The following GPR22 variants were observed in gnomAD, a reference collection of about 807,000 sequenced individuals.
GPR22 encodes the protein G-protein coupled receptor 22.
In GPR22, 13 loss-of-function variants were observed where a neutral mutation model predicts 31.0. The observed-to-expected ratio is 0.42, with a 90% confidence interval of 0.27 to 0.67. The LOEUF (loss-of-function observed/expected upper bound fraction) is 0.67, where lower values mean the gene tolerates loss of function less well. Among genes scored for constraint, GPR22 ranks in the 30% least tolerant of loss-of-function variants. The pLI is 0.25. For synonymous variants in GPR22, 191 were observed against 173.4 expected (o/e 1.10, Z -0.80); for missense variants, 368 against 509.6 (o/e 0.72, Z 2.67).
chr7:107,473,945 C>T (rs899106631), intron 2 of GPR22, 90 bp from the exon 3 acceptor site: 17 of 423,194 alleles, frequency 4.0e-5, no homozygotes, highest in Admixed American at 2.8e-4. Context: ...ACTAAGTACA[C>T]AATTGAAAGA....
rs752419324 is a variant in GPR22 at position 107,475,270 on chromosome 7, T to A, written c.1210T>A (p.Ser404Thr). Residue 404 changes from serine (S) to threonine (T), a missense_variant, in exon 3 of 3, where the codon TCT becomes ACT. Physicochemically the swap from Ser to Thr is moderately conservative, Grantham distance 58 (BLOSUM62 1). Transcript: ENST00000304402. ...GCCTAATAATGCTGTAATACACAAC[T>A]CTTGGATAGATCCTAAAAGAAACAA... ...PLPNNAVIHN[S>T]WIDPKRNKKI... 6.2e-7 allele frequency: 1 copy of A among 1,600,532 alleles called. No homozygotes were observed. Among genetic ancestry groups the A allele is most frequent in the South Asian group, 1.1e-5 (1 of 89,424 alleles).
In GPR22 at chr7:107,470,256, C is replaced by A. The variant is rs975257707; in HGVS notation, c.-1147C>A. 3 of 152,238 alleles carry A rather than the reference C, an allele frequency of 2.0e-5. No individual in the cohort carries two copies. Among genetic ancestry groups the A allele is most frequent in the African/African-American group, 7.2e-5 (3 of 41,468 alleles). 9.4% of individuals were successfully genotyped at this position (152,238 alleles called of 1,614,324 possible). A position where few individuals can be genotyped will look rare whatever the true frequency, so the allele number is the denominator to read the frequency against. ...CTGCAGCAGCCTCTAAGCAGCACTA[C>A]ATGTTCCATACATTAGCAGTACTGC... is the stretch of plus-strand genomic sequence containing the variant. On this transcript the variant is annotated 5_prime_UTR_variant, in exon 1 of 3. Coordinates refer to ENST00000304402, the MANE Select transcript of GPR22 (RefSeq NM_005295.3).
chr7:107,471,144 T>C (rs561927770), intron 1 of GPR22, among the ~76,000 whole-genome samples: 1 of 152,168 alleles, frequency 6.6e-6, no homozygotes, highest in South Asian at 2.1e-4. Flanking sequence ...CAATTGTATT[T>C]GAAATGTGAA....
rs1052407621 is a variant in GPR22, at chr7:107,471,679, T to C, written c.-650T>C. 6.6e-6 allele frequency: 1 copy of C among 152,068 alleles called. No homozygotes were observed. The highest frequency in any genetic ancestry group is 1.5e-5 in the Non-Finnish European group (1 of 67,950). The allele number at this position is 152,068 out of a possible 1,614,324, so 9.4% of individuals were successfully genotyped here. A position where few individuals can be genotyped will look rare whatever the true frequency, so the allele number is the denominator to read the frequency against. On this transcript the variant is annotated 5_prime_UTR_variant, in exon 2 of 3. Coordinates refer to ENST00000304402, the MANE Select transcript of GPR22 (RefSeq NM_005295.3). ...TACCAGAATTGTGGAAGTTACTGAT[T>C]CTGGAAGACATAATGAAACATGAAT...
rs918571293 is a variant in GPR22, at chr7:107,475,118, T to C, written c.1058T>C (p.Leu353Ser). Reference sequence around the variant, plus strand: ...TTAGTAAAATTAAGATTGTGTTTTTTAGTCATGGCTTATGGAACAACTATA... The same window carrying C: ...TTAGTAAAATTAAGATTGTGTTTTTCAGTCATGGCTTATGGAACAACTATA... The part of the protein sequence containing the change: ...DLLVKLRLCF[L>S]VMAYGTTIFH... Residue 353 changes from leucine to serine, a missense_variant, in exon 3 of 3, where the codon TTA (leucine) becomes TCA (serine). Physicochemically the swap from Leu to Ser is moderately radical, Grantham distance 145. Coordinates refer to ENST00000304402, the MANE Select transcript of GPR22 (RefSeq NM_005295.3). 6.2e-7 allele frequency: 1 copy of C among 1,611,582 alleles called. No individual in the cohort carries two copies. The highest frequency in any genetic ancestry group is 8.5e-7 in the Non-Finnish European group (1 of 1,178,516).
intron 2 of GPR22, 46 bp downstream of exon 2, chr7:107,472,348 T>C (rs906473065): frequency 2.0e-5 from 3 of 152,026 alleles, no homozygotes; most frequent in Non-Finnish European, 4.4e-5. Flanking sequence ...TGTATCAATT[T>C]GCCAAAAACT....
At chr7:107,470,922 T>G (rs941192700) in intron 1 of GPR22, among the ~76,000 whole-genome samples, 1 of 151,904 alleles carries the variant, frequency 6.6e-6, no homozygotes, top group Non-Finnish European at 1.5e-5. Flanking sequence ...TAGTATCTTA[T>G]GAAATCTGTT....
downstream of GPR22, among the ~76,000 whole-genome samples, chr7:107,477,338 G>T (rs1349558145): frequency 6.6e-6 from 1 of 151,388 alleles, no homozygotes; most frequent in Non-Finnish European, 1.5e-5. Context: ...ACTATTTTTA[G>T]AACCTTCATA....
In GPR22 at chr7:107,474,734, T is replaced by C. The variant is rs760319140; in HGVS notation, c.674T>C (p.Val225Ala). Residue 225 changes from valine (V) to alanine (A), a missense_variant, in exon 3 of 3, where the codon GTA becomes GCA. Val to Ala is a moderately conservative substitution (Grantham distance 64, BLOSUM62 0). Transcript: ENST00000304402. This position sits in a 1 kb window ranked among gnomAD's most constrained non-coding sequence, Gnocchi z 5.7. ...ATCCCAATATTCTTTTTCACTGTTGTAGTAATGTTAATCACATACACCAAA... is the reference window on the plus strand; with the variant it reads ...ATCCCAATATTCTTTTTCACTGTTGCAGTAATGTTAATCACATACACCAAA... ...VQIPIFFFTV[V>A]VMLITYTKIL... The C allele has an allele frequency of 1.9e-6, 3 of 1,610,724 alleles. No homozygotes were observed. Among genetic ancestry groups the C allele is most frequent in the Admixed American group, 1.7e-5 (1 of 59,586 alleles).
At position 107,474,999 on chromosome 7, in the gene GPR22, G is replaced by C; in HGVS notation, c.939G>C (p.Arg313Ser). The change falls in exon 3 of 3, where the codon AGG becomes AGC. Residue 313 changes from arginine (R) to serine (S), a missense_variant. Coordinates refer to ENST00000304402, the MANE Select transcript of GPR22 (RefSeq NM_005295.3). The surrounding 1 kb of genome is among the most constrained non-coding windows in gnomAD (Gnocchi z 5.7). The part of the protein sequence containing the change: ...ERRERQKRVF[R>S]MSLLIISTFL... ...GAGAAAGACAAAAGAGAGTCTTCAG[G>C]ATGTCTTTATTGATTATTTCTACAT... 1 of 1,612,476 alleles carries C rather than the reference G, an allele frequency of 6.2e-7. No individual in the cohort carries two copies. Among genetic ancestry groups the C allele is most frequent in the Non-Finnish European group, 8.5e-7 (1 of 1,179,012 alleles).
At chr7:107,470,617 T>C (rs1365647614) in intron 1 of GPR22, among the ~76,000 whole-genome samples, 172 bp downstream of exon 1, 1 of 152,126 alleles carries the variant, frequency 6.6e-6, no homozygotes, top group Non-Finnish European at 1.5e-5. Flanking sequence ...TTAAATGTAA[T>C]TTTTTAGGAT....
chr7:107,474,808 C>A lies in GPR22; in HGVS notation c.748C>A (p.Gln250Lys), dbSNP rs752096556. The A allele has an allele frequency of 1.2e-6, 2 of 1,612,844 alleles. No homozygotes were observed. Among genetic ancestry groups the A allele is most frequent in the East Asian group, 2.2e-5 (1 of 44,764 alleles). ...AATAGGCACAAGATTTTCAACAGGG[C>A]AGAAGAAGAAAGCAAGAAAGAAAAA... ...IRIGTRFSTG[Q>K]KKKARKKKTI... The change falls in exon 3 of 3, where the codon CAG becomes AAG. Residue 250 changes from glutamine to lysine, a missense_variant. Gln to Lys is a moderately conservative substitution (Grantham distance 53). Transcript: ENST00000304402. The surrounding 1 kb of genome is among the most constrained non-coding windows in gnomAD (Gnocchi z 5.7).
rs1432348088 is a variant in GPR22 at position 107,471,424 on chromosome 7, T to G, written c.-905T>G. On this transcript the variant is annotated 5_prime_UTR_variant, in exon 2 of 3. In the 5' UTR this introduces an upstream ATG that the reference lacks. Coordinates refer to ENST00000304402, the MANE Select transcript of GPR22 (RefSeq NM_005295.3). Reference sequence around the variant, plus strand: ...CAACTGACAATATGAAGAATGCAATTGACTGAGCATCTCCCTAGCTGTCTG... The same window carrying G: ...CAACTGACAATATGAAGAATGCAATGGACTGAGCATCTCCCTAGCTGTCTG... 1 of 152,036 alleles carries G rather than the reference T, an allele frequency of 6.6e-6. No homozygotes were observed. Among genetic ancestry groups the G allele is most frequent in the East Asian group, 1.9e-4 (1 of 5,198 alleles). The allele number at this position is 152,036 out of a possible 1,614,324, so 9.4% of individuals were successfully genotyped here. A position where few individuals can be genotyped will look rare whatever the true frequency, so the allele number is the denominator to read the frequency against.
At position 107,474,486 on chromosome 7, in the gene GPR22, C is replaced by T; in HGVS notation, c.426C>T (p.Asp142=). The change falls in exon 3 of 3, where the codon GAC becomes GAT. Residue 142 remains aspartate (D), a synonymous_variant. Coordinates refer to ENST00000304402, the MANE Select transcript of GPR22 (RefSeq NM_005295.3). This position sits in a 1 kb window ranked among gnomAD's most constrained non-coding sequence, Gnocchi z 5.7. ...NVFAITLDRY[D]ISVKPANRIL... is the part of the protein sequence containing the mutation. Reference sequence around the variant, plus strand: ...TTGCTATCACTTTGGACAGATATGACATCTCTGTAAAACCTGCAAACCGAA... The same window carrying T: ...TTGCTATCACTTTGGACAGATATGATATCTCTGTAAAACCTGCAAACCGAA... The T allele has an allele frequency of 1.9e-6, 3 of 1,613,198 alleles. No individual in the cohort carries two copies. The highest frequency in any genetic ancestry group is 2.5e-6 in the Non-Finnish European group (3 of 1,179,450).
chr7:107,475,372 T>G lies in GPR22; in HGVS notation c.*10T>G. On this transcript the variant is annotated 3_prime_UTR_variant, in exon 3 of 3. Transcript: ENST00000304402. ...GGTTGTCACAGACTAGAGAAAAGTC[T>G]CAGTTTCACCAAATCCACATTCAAA... 1.6e-6 allele frequency: 2 copies of G among 1,268,958 alleles called. No individual in the cohort carries two copies. The highest frequency in any genetic ancestry group is 2.2e-6 in the Non-Finnish European group (2 of 919,604). The allele number at this position is 1,268,958 out of a possible 1,614,324, so 78.6% of individuals were successfully genotyped here. A position where few individuals can be genotyped will look rare whatever the true frequency, so the allele number is the denominator to read the frequency against.
chr7:107,473,982 T>C (rs1796813569), intron 2 of GPR22, 53 bp from the exon 3 acceptor site: 2 of 697,918 alleles, frequency 2.9e-6, no homozygotes, highest in East Asian at 5.3e-5. Flanking sequence ...GAACACGTTA[T>C]ACGTCATTTA....
chr7:107,472,638 T>A (rs1796707288), intron 2 of GPR22: 1 of 151,944 alleles, frequency 6.6e-6, no homozygotes, highest in South Asian at 2.1e-4. Context: ...AGACCTTAAC[T>A]TACTCGAATA....
At chr7:107,473,955 A>ATTTTT in intron 2 of GPR22, 80 bp from the exon 3 acceptor site, 6 of 525,378 alleles carry the variant, frequency 1.1e-5, no homozygotes, top group Non-Finnish European at 1.3e-5. Context: ...CAATTGAAAG[A>ATTTTT]TTTTTTTTCT....
Position 107,474,966 on chromosome 7 carries a change from T to G in GPR22, c.906T>G (p.Arg302=), listed in dbSNP as rs1359243445. 1 of 1,612,314 alleles carries G rather than the reference T, an allele frequency of 6.2e-7. No individual in the cohort carries two copies. The highest frequency in any genetic ancestry group is 1.3e-5 in the African/African-American group (1 of 74,748). The change falls in exon 3 of 3, where the codon CGT becomes CGG. Residue 302 remains arginine, a synonymous_variant. Transcript: ENST00000304402. The surrounding 1 kb of genome is among the most constrained non-coding windows in gnomAD (Gnocchi z 5.7). ...TCCGGCGAGCTGTGAAACGACACCG[T>G]GAACGACGAGAAAGACAAAAGAGAG... ...IALRRAVKRH[R]ERRERQKRVF...
Sources: gnomAD v4.1 joint callset for allele counts (sites outside exome capture counted in the v4.1 genomes callset) on GRCh38, gnomAD v4.1.1 for gene constraint, Gnocchi (gnomAD v3.1) non-coding constraint, MANE v1.5 for transcripts, NCBI Gene and HGNC (gene_info 2026-07-23, HGNC 2026-07-21) for gene names.